Variants in SOX6 observed in about 807,000 individuals in gnomAD.
SOX6 encodes the protein SRY-box transcription factor 6, also known as transcription factor SOX-6.
Under a neutral mutation model 97.8 loss-of-function variants are expected in SOX6, and 11 were observed. That is an observed-to-expected ratio of 0.11 (90% confidence interval 0.07 to 0.19). SOX6 has a LOEUF of 0.19. Among genes scored for constraint, SOX6 ranks in the 10% least tolerant of loss-of-function variants. The pLI, the probability that SOX6 is intolerant of heterozygous loss-of-function variation, is 1.00. For missense variants in SOX6, 810 were observed against 1,039.5 expected, an observed-to-expected ratio of 0.78 and a Z score of 3.04; for synonymous variants, 360 against 371.4, an observed-to-expected ratio of 0.97 and a Z score of 0.35.
At chr11:16,665,604 T>TG (rs35805047) in intron 3 of SOX6, among the ~76,000 whole-genome samples, 1 of 152,136 alleles carries the variant, frequency 6.6e-6, no homozygotes, top group East Asian at 1.9e-4. Context: ...TGCCCAGGAC[T>TG]GGGGGGATCT....
At chr11:16,574,907 GC>G (rs1847968668) in intron 4 of SOX6, among the ~76,000 whole-genome samples, 1 of 151,998 alleles carries the variant, frequency 6.6e-6, no homozygotes, top group Non-Finnish European at 1.5e-5. Context: ...GGGCATGGTG[GC>G]ACACGCCTGT....
At chr11:16,500,043 T>C (rs1860676024) in intron 4 of SOX6, among the ~76,000 whole-genome samples, 1 of 152,060 alleles carries the variant, frequency 6.6e-6, no homozygotes, top group Non-Finnish European at 1.5e-5. Flanking sequence ...CTGATGAACA[T>C]CAATGCAAAA....
intron 1 of SOX6, among the ~76,000 whole-genome samples, chr11:16,737,669 T>C (rs1564881309): frequency 1.3e-5 from 2 of 152,092 alleles, no homozygotes; most frequent in South Asian, 4.1e-4. Flanking sequence ...GAACAATAAA[T>C]AGCTTTAAAT....
intron 6 of SOX6, among the ~76,000 whole-genome samples, chr11:16,177,071 C>G (rs920829474): frequency 4.0e-5 from 6 of 151,808 alleles, no homozygotes; most frequent in African/African-American, 1.5e-4. Context: ...CCAAATAAAA[C>G]TATTGAAAAA....
chr11:16,260,176 T>C (rs897332226), intron 3 of SOX6, among the ~76,000 whole-genome samples: 1 of 151,728 alleles, frequency 6.6e-6, no homozygotes, highest in Admixed American at 6.6e-5. Flanking sequence ...ATTTTTTGTA[T>C]TTTTTAGTAG....
At chr11:16,080,051 C>T (rs1341153903) in intron 9 of SOX6, among the ~76,000 whole-genome samples, 1 of 148,568 alleles carries the variant, frequency 6.7e-6, no homozygotes, top group African/African-American at 2.5e-5. Context: ...ATATAAAAGA[C>T]TGAAAATTGC....
chr11:16,445,822 G>C (rs1272087269), intron 1 of SOX6, among the ~76,000 whole-genome samples: 1 of 152,016 alleles, frequency 6.6e-6, no homozygotes, highest in East Asian at 1.9e-4. Context: ...GCCCACAAAG[G>C]TTTATTTATA....
At chr11:16,570,573 G>T (rs11023990) in intron 4 of SOX6, among the ~76,000 whole-genome samples, 24,716 of 152,078 alleles carry the variant, frequency 0.16, 2,693 homozygotes, top group East Asian at 0.31. Context: ...CTTGTGAAGG[G>T]TTGACTGCAT....
intron 3 of SOX6, among the ~76,000 whole-genome samples, chr11:16,640,790 T>C (rs1848897978): frequency 6.6e-6 from 1 of 152,218 alleles, no homozygotes; most frequent in Admixed American, 6.5e-5. Context: ...ATCTATTTAA[T>C]TCTTCTCTCT....
intron 1 of SOX6, among the ~76,000 whole-genome samples, chr11:16,457,834 T>C (rs1036285982): frequency 3.3e-5 from 5 of 152,092 alleles, no homozygotes; most frequent in East Asian, 3.9e-4. Flanking sequence ...GTTGAAGTTA[T>C]ACTGACTCAC....
chr11:16,371,689 T>A (rs1416844563), intron 1 of SOX6, among the ~76,000 whole-genome samples: 1 of 152,184 alleles, frequency 6.6e-6, no homozygotes, highest in Non-Finnish European at 1.5e-5. Flanking sequence ...ATGTTGCATA[T>A]GTATAAATAC....
chr11:16,525,305 C>T (rs1427737093), intron 4 of SOX6, among the ~76,000 whole-genome samples: 3 of 151,394 alleles, frequency 2.0e-5, no homozygotes, highest in Admixed American at 6.6e-5. Context: ...TGGAACAGAA[C>T]AGAGCCCTCA....
At chr11:16,194,094 C>G (rs1258349268) in intron 4 of SOX6, among the ~76,000 whole-genome samples, 1 of 152,046 alleles carries the variant, frequency 6.6e-6, no homozygotes, top group Non-Finnish European at 1.5e-5. Context: ...TCAGAAGGTC[C>G]CCTGATAAAA....
intron 6 of SOX6, among the ~76,000 whole-genome samples, chr11:16,126,695 T>C (rs1369022170): frequency 6.6e-6 from 1 of 152,150 alleles, no homozygotes; most frequent in African/African-American, 2.4e-5. Context: ...TATTGTATTA[T>C]TTCTGCTACA....
chr11:16,091,973 T>G (rs968896181), intron 9 of SOX6, among the ~76,000 whole-genome samples: 2 of 152,060 alleles, frequency 1.3e-5, no homozygotes, highest in Admixed American at 6.6e-5. Context: ...AAACTCTGCC[T>G]GTAACAATAT....
chr11:16,579,141 T>G (rs188460491), intron 4 of SOX6, among the ~76,000 whole-genome samples: 8 of 152,212 alleles, frequency 5.3e-5, no homozygotes, highest in Non-Finnish European at 2.9e-5. Context: ...ACTCAGTAAA[T>G]GCATATGAAC....
intron 4 of SOX6, among the ~76,000 whole-genome samples, chr11:16,187,567 C>G (rs1851513303): frequency 6.6e-6 from 1 of 151,698 alleles, no homozygotes; most frequent in Admixed American, 6.6e-5. Flanking sequence ...GAGAAAGGAT[C>G]AAGTAAAATT....
chr11:16,492,248 G>T (rs983688686), intron 4 of SOX6, among the ~76,000 whole-genome samples: 2 of 152,180 alleles, frequency 1.3e-5, no homozygotes, highest in African/African-American at 4.8e-5. Context: ...AAATAGAAAA[G>T]ATGCCATTGG....
intron 6 of SOX6, among the ~76,000 whole-genome samples, chr11:16,118,080 T>C (rs969867105): frequency 6.6e-6 from 1 of 152,162 alleles, no homozygotes; most frequent in Admixed American, 6.5e-5. Flanking sequence ...CAAAACTAGA[T>C]GTGGCCAAAA....
Sources: gnomAD v4.1 joint callset for allele counts (sites outside exome capture counted in the v4.1 genomes callset) on GRCh38, gnomAD v4.1.1 for gene constraint, MANE v1.5 for transcripts, NCBI Gene and HGNC (gene_info 2026-07-23, HGNC 2026-07-21) for gene names.